Variants in RASAL2 observed in about 807,000 individuals in gnomAD.
The protein encoded by RASAL2 is ras GTPase-activating protein nGAP.
A neutral mutation model predicts 128.9 loss-of-function variants in RASAL2; 58 were observed. The ratio of observed to expected loss-of-function variants is 0.45; its 90% CI spans 0.36 to 0.56. The LOEUF is 0.56. Ranked by LOEUF, RASAL2 falls within the 20% of genes least tolerant of loss-of-function variation. RASAL2 has a pLI of 0.00. For missense variants in RASAL2, 1,360 were observed against 1,601.6 expected (o/e 0.85, Z 2.57); for synonymous variants, 561 against 580.8 (o/e 0.97, Z 0.49).
intron 3 of RASAL2, among the ~76,000 whole-genome samples, chr1:178,366,420 T>C (rs1671400744): frequency 6.6e-6 from 1 of 152,182 alleles, no homozygotes. Flanking sequence ...TCTTTTCCTA[T>C]GTGCAAGAAT....
At chr1:178,373,887 C>A (rs189426250) in intron 3 of RASAL2, among the ~76,000 whole-genome samples, 4 of 152,118 alleles carry the variant, frequency 2.6e-5, no homozygotes, top group African/African-American at 4.8e-5. Context: ...GAAAAAAACG[C>A]AAATTTCCAT....
At chr1:178,147,257 G>A (rs763288796) in intron 1 of RASAL2, among the ~76,000 whole-genome samples, 13 of 152,116 alleles carry the variant, frequency 8.5e-5, no homozygotes, top group Non-Finnish European at 1.5e-4. Context: ...GGGAGGCCGA[G>A]GTGGGTGGAT....
chr1:178,243,698 G>A (rs1437250143), intron 1 of RASAL2, among the ~76,000 whole-genome samples: 1 of 152,008 alleles, frequency 6.6e-6, no homozygotes, highest in Admixed American at 6.5e-5. Flanking sequence ...TTCTTTTAAT[G>A]GATTGGGAGG....
At chr1:178,230,359 T>A (rs752491516) in intron 1 of RASAL2, among the ~76,000 whole-genome samples, 4 of 152,212 alleles carry the variant, frequency 2.6e-5, no homozygotes, top group East Asian at 1.9e-4. Context: ...TAACTTTTTT[T>A]AAAAAACTGC....
intron 1 of RASAL2, among the ~76,000 whole-genome samples, chr1:178,124,421 A>T (rs1407513431): frequency 6.6e-6 from 1 of 152,148 alleles, no homozygotes; most frequent in Non-Finnish European, 1.5e-5. Flanking sequence ...CCAAAGACTT[A>T]TCCTGTCCCA....
At chr1:178,227,845 G>A (rs1230923892) in intron 1 of RASAL2, among the ~76,000 whole-genome samples, 2 of 152,188 alleles carry the variant, frequency 1.3e-5, no homozygotes, top group African/African-American at 4.8e-5. Context: ...TCAATGAGCA[G>A]CCAACTTTTA....
chr1:178,162,455 TTAAATATATTTTATA>T (rs1661354712), intron 1 of RASAL2, among the ~76,000 whole-genome samples: 1 of 123,028 alleles, frequency 8.1e-6, no homozygotes, highest in Non-Finnish European at 1.6e-5. Flanking sequence ...ATATATAATA[TTAAATATATTTTATA>T]TATTTATATT....
chr1:178,108,439 G>A (rs764751247), intron 1 of RASAL2, among the ~76,000 whole-genome samples: 1 of 152,090 alleles, frequency 6.6e-6, no homozygotes, highest in East Asian at 1.9e-4. Context: ...TGTGAACCTG[G>A]CACAGTTCTA....
At chr1:178,228,465 C>A (rs1022617694) in intron 1 of RASAL2, among the ~76,000 whole-genome samples, 1 of 152,064 alleles carries the variant, frequency 6.6e-6, no homozygotes, top group Non-Finnish European at 1.5e-5. Context: ...TGCCTGTAAC[C>A]CCAGCTACTT....
intron 1 of RASAL2, among the ~76,000 whole-genome samples, chr1:178,223,041 T>G (rs981598551): frequency 3.9e-5 from 6 of 152,234 alleles, no homozygotes; most frequent in African/African-American, 1.4e-4. Flanking sequence ...GTATCAGAGA[T>G]AATGTTAAAC....
intron 3 of RASAL2, among the ~76,000 whole-genome samples, chr1:178,344,239 T>C (rs1030832340): frequency 1.3e-5 from 2 of 152,184 alleles, no homozygotes; most frequent in African/African-American, 2.4e-5. Context: ...GAAAAAGATT[T>C]GGCTATAGTT....
chr1:178,209,941 T>C (rs1013396688), intron 1 of RASAL2, among the ~76,000 whole-genome samples: 4 of 152,118 alleles, frequency 2.6e-5, no homozygotes, highest in African/African-American at 9.6e-5. Flanking sequence ...TGGATTGATA[T>C]CTTTTATCAA....
chr1:178,175,180 C>A (rs908434046), intron 1 of RASAL2, among the ~76,000 whole-genome samples: 2 of 152,100 alleles, frequency 1.3e-5, no homozygotes, highest in Non-Finnish European at 2.9e-5. Context: ...ATGATTTTGA[C>A]ATGTGTTTTT....
In RASAL2 at chr1:178,094,374, G is replaced by A; in HGVS notation, c.-119G>A. The A allele has an allele frequency of 2.0e-6, 2 of 988,036 alleles. No homozygotes were observed. The highest frequency in any genetic ancestry group is 1.7e-5 in the African/African-American group (1 of 57,606). 61.2% of individuals were successfully genotyped at this position (988,036 alleles called of 1,614,324 possible). ...GTGAGAGGTGTCCGCGCCGGCTGCC[G>A]CTCGGGTCCCTGCCCTCGCTGCGCG... is the stretch of plus-strand genomic sequence containing the variant. On this transcript the variant is annotated 5_prime_UTR_variant, in exon 1 of 18. Coordinates refer to ENST00000367649, the MANE Select transcript of RASAL2 (RefSeq NM_170692.4).
intron 1 of RASAL2, among the ~76,000 whole-genome samples, chr1:178,265,781 C>T (rs1665919520): frequency 6.6e-6 from 1 of 152,196 alleles, no homozygotes; most frequent in African/African-American, 2.4e-5. Context: ...CTGTCCCAGA[C>T]ACTTCACCTG....
intron 5 of RASAL2, among the ~76,000 whole-genome samples, chr1:178,429,951 C>T (rs2102789751): frequency 6.6e-6 from 1 of 152,104 alleles, no homozygotes; most frequent in East Asian, 1.9e-4. Context: ...AAGTGCCTAC[C>T]CCACCCCCCA....
At chr1:178,336,374 A>G (rs772495849) in intron 3 of RASAL2, among the ~76,000 whole-genome samples, 87 of 152,182 alleles carry the variant, frequency 5.7e-4, no homozygotes, top group Non-Finnish European at 1.0e-3. Flanking sequence ...TGATTGTACC[A>G]TAAGATCTAT....
At chr1:178,465,364 A>G (rs554971534) in intron 15 of RASAL2, among the ~76,000 whole-genome samples, 17 of 152,290 alleles carry the variant, frequency 1.1e-4, no homozygotes, top group African/African-American at 3.4e-4. Flanking sequence ...GCTTAACATT[A>G]TAGAAATGTT....
At chr1:178,214,186 C>G (rs1663348429) in intron 1 of RASAL2, among the ~76,000 whole-genome samples, 1 of 152,140 alleles carries the variant, frequency 6.6e-6, no homozygotes, top group South Asian at 2.1e-4. Flanking sequence ...AAGTGGATCA[C>G]TTGAGTCTAG....
Sources: allele counts gnomAD v4.1 joint callset (sites outside exome capture counted in the v4.1 genomes callset), GRCh38; gene constraint gnomAD v4.1.1; transcripts MANE v1.5; gene names NCBI Gene and HGNC (gene_info 2026-07-23, HGNC 2026-07-21).